Variants in TRPM3 observed in about 807,000 individuals in gnomAD.
TRPM3 encodes the protein long transient receptor potential channel 3.
Under a neutral mutation model 181.2 loss-of-function variants are expected in TRPM3, and 77 were observed. The ratio of observed to expected loss-of-function variants is 0.42; its 90% CI spans 0.35 to 0.51. TRPM3 has a LOEUF of 0.51. TRPM3 is among the 20% of genes least tolerant of loss of function. The probability of loss-of-function intolerance (pLI) is 0.01; values close to 1 mark genes in which losing one functional copy is unlikely to be tolerated. For missense variants in TRPM3, 1,759 were observed against 2,196.7 expected (o/e 0.80, Z 3.98); for synonymous variants, 745 against 796.4 (o/e 0.94, Z 1.09).
chr9:71,262,791 C>A (rs1462439203), intron 1 of TRPM3, among the ~76,000 whole-genome samples: 1 of 152,278 alleles, frequency 6.6e-6, no homozygotes, highest in South Asian at 2.1e-4. Context: ...ACCCCTTGCA[C>A]TTCCTGGGTG....
intron 1 of TRPM3, among the ~76,000 whole-genome samples, chr9:71,183,860 A>G (rs2077532449): frequency 6.6e-6 from 1 of 152,138 alleles, no homozygotes. Flanking sequence ...CTTTGTGAGA[A>G]CGTAGGCCAA....
At chr9:70,776,363 T>C in intron 7 of TRPM3, 1 of 672,078 alleles carries the variant, frequency 1.5e-6, no homozygotes, top group Non-Finnish European at 2.7e-6. Context: ...TGCTGGCCCC[T>C]GGAACCCTGC....
At chr9:70,982,043 A>G (rs1387400602) in intron 1 of TRPM3, among the ~76,000 whole-genome samples, 3 of 152,088 alleles carry the variant, frequency 2.0e-5, no homozygotes, top group South Asian at 2.1e-4. Context: ...CACTGGGCCT[A>G]TGTCATCACC....
At chr9:71,141,872 A>C (rs1442938478) in intron 1 of TRPM3, among the ~76,000 whole-genome samples, 1 of 152,130 alleles carries the variant, frequency 6.6e-6, no homozygotes, top group Non-Finnish European at 1.5e-5. Flanking sequence ...CTTCTTCCAC[A>C]AGAGCATCTT....
chr9:71,375,053 A>T (rs1215142775), intron 1 of TRPM3, among the ~76,000 whole-genome samples: 2 of 152,296 alleles, frequency 1.3e-5, no homozygotes, highest in East Asian at 3.9e-4. Context: ...TTCCCATTAA[A>T]CTGCCAGTCA....
chr9:70,752,699 C>T (rs1388815352), intron 8 of TRPM3, among the ~76,000 whole-genome samples: 1 of 152,112 alleles, frequency 6.6e-6, no homozygotes, highest in Non-Finnish European at 1.5e-5. Flanking sequence ...CATTGTGTTA[C>T]AGTTGCCTAC....
intron 1 of TRPM3, among the ~76,000 whole-genome samples, chr9:71,113,983 CATAG>C (rs767525177): frequency 5.9e-5 from 9 of 152,182 alleles, no homozygotes; most frequent in Admixed American, 1.3e-4. Context: ...CTGATTCTAT[CATAG>C]ATAGTCTTGG....
At chr9:71,058,409 T>G (rs1212231640) in intron 1 of TRPM3, among the ~76,000 whole-genome samples, 2 of 152,020 alleles carry the variant, frequency 1.3e-5, no homozygotes, top group Non-Finnish European at 1.5e-5. Flanking sequence ...GAGGGTTGGC[T>G]CTGAAGGTTA....
At chr9:71,320,366 A>G (rs1011773244) in intron 1 of TRPM3, among the ~76,000 whole-genome samples, 3 of 152,134 alleles carry the variant, frequency 2.0e-5, no homozygotes, top group Non-Finnish European at 4.4e-5. Flanking sequence ...ACACTGAGCA[A>G]TCTCATGAAA....
Position 71,300,760 on chromosome 9 carries a change from A to T in TRPM3, c.183+145893T>A, listed in dbSNP as rs543026849. 2.0e-5 allele frequency among the ~76,000 whole-genome samples: 3 copies of T among 152,246 alleles called. No individual in the cohort carries two copies. The South Asian group carries it at 6.2e-4, about 32-fold the overall frequency. On this transcript the variant is annotated intron_variant, in intron 1 of 24. Coordinates refer to the TRPM3 transcript ENST00000357533. ...TTACAACTGTGTAAGCAATCCCTAG[A>T]TGATCTATTTCAAATGTGATTTTAA...
chr9:71,406,971 G>A (rs941149455), intron 1 of TRPM3, among the ~76,000 whole-genome samples: 2 of 152,124 alleles, frequency 1.3e-5, no homozygotes, highest in Non-Finnish European at 2.9e-5. Context: ...TTATGTTGAG[G>A]ACATTCATTA....
chr9:70,985,343 G>A (rs905607336), intron 1 of TRPM3, among the ~76,000 whole-genome samples: 1 of 152,128 alleles, frequency 6.6e-6, no homozygotes, highest in Non-Finnish European at 1.5e-5. Context: ...TATGTTTGGT[G>A]TGAAGATATG....
rs181531214 is a variant in TRPM3, at chr9:70,538,318, G to T, written c.3708-913C>A. ...ATTAAATTAACTTTTTTAGAGATGG[G>T]GGGGGTCTCACTTTGTTGCCCAGGC... On this transcript the variant is annotated intron_variant, in intron 25 of 25. Coordinates refer to ENST00000677713, the MANE Select transcript of TRPM3 (RefSeq NM_001366145.2). Among the ~76,000 whole-genome samples the T allele has an allele frequency of 4.1e-3, 625 of 152,138 alleles. 3 individuals are homozygous for T. The highest frequency in any genetic ancestry group is 0.012 in the South Asian group (60 of 4,802).
At chr9:71,255,309 T>C (rs1565389936) in intron 1 of TRPM3, among the ~76,000 whole-genome samples, 1 of 152,204 alleles carries the variant, frequency 6.6e-6, no homozygotes, top group Non-Finnish European at 1.5e-5. Flanking sequence ...AGAAGTCTCC[T>C]GTACTAAGAA....
chr9:71,210,300 A>T (rs2079410125), intron 1 of TRPM3, among the ~76,000 whole-genome samples: 1 of 152,174 alleles, frequency 6.6e-6, no homozygotes. Flanking sequence ...TTGCAGGAAA[A>T]CAAGCTCAGG....
At chr9:70,615,169 A>G (rs923518373) in intron 18 of TRPM3, among the ~76,000 whole-genome samples, 3 of 152,220 alleles carry the variant, frequency 2.0e-5, no homozygotes, top group Admixed American at 1.3e-4. Flanking sequence ...CACTACAGCA[A>G]TGGTCATTGG....
chr9:70,592,087 A>G (rs532597754), intron 21 of TRPM3, among the ~76,000 whole-genome samples: 1 of 152,222 alleles, frequency 6.6e-6, no homozygotes, highest in South Asian at 2.1e-4. Context: ...TATATGCCAA[A>G]TTATTTTCCT....
intron 1 of TRPM3, among the ~76,000 whole-genome samples, chr9:71,095,184 A>T (rs1334327634): frequency 1.3e-5 from 2 of 152,164 alleles, no homozygotes; most frequent in East Asian, 3.9e-4. Flanking sequence ...TGAGTGTCTG[A>T]TTACATTTGG....
At chr9:70,812,744 C>T (rs1359294313) in intron 6 of TRPM3, among the ~76,000 whole-genome samples, 1 of 152,136 alleles carries the variant, frequency 6.6e-6, no homozygotes, top group Non-Finnish European at 1.5e-5. Flanking sequence ...GAGTGAATGG[C>T]ATGCTGGTAT....
Sources: allele counts gnomAD v4.1 joint callset (sites outside exome capture counted in the v4.1 genomes callset), GRCh38; gene constraint gnomAD v4.1.1; transcripts MANE v1.5; gene names NCBI Gene and HGNC (gene_info 2026-07-23, HGNC 2026-07-21).